MALRD1: variants seen among roughly 807,000 people sequenced by gnomAD.
The protein encoded by MALRD1 is MAM and LDL receptor class A domain containing 1.
A neutral mutation model predicts 242.1 loss-of-function variants in MALRD1; 247 were observed. The ratio of observed to expected loss-of-function variants is 1.02; its 90% CI spans 0.92 to 1.13. The LOEUF is 1.13. Among genes scored for constraint, MALRD1 ranks in the 50% most tolerant of loss-of-function variants. The pLI is 0.00. For missense variants in MALRD1, 2,989 were observed against 2,533.1 expected, an observed-to-expected ratio of 1.18 and a Z score of -3.86; for synonymous variants, 995 against 866.6, an observed-to-expected ratio of 1.15 and a Z score of -2.60.
intron 5 of MALRD1, among the ~76,000 whole-genome samples, chr10:19,105,704 T>G (rs1588551846): frequency 6.6e-6 from 1 of 152,066 alleles, no homozygotes; most frequent in East Asian, 1.9e-4. Flanking sequence ...TAACTTTGAC[T>G]TTTTGATAGT....
chr10:19,617,153 TC>T (rs566524823), intron 36 of MALRD1, among the ~76,000 whole-genome samples: 373 of 152,068 alleles, frequency 2.5e-3, no homozygotes, highest in Non-Finnish European at 3.6e-3. Context: ...GCCAGAAAAC[TC>T]CCAGAAAGAG....
intron 18 of MALRD1, among the ~76,000 whole-genome samples, chr10:19,216,754 G>A (rs1018432287): frequency 1.3e-5 from 2 of 151,402 alleles, no homozygotes; most frequent in African/African-American, 4.9e-5. Context: ...GACCATCCTG[G>A]CTAACACGGT....
intron 5 of MALRD1, among the ~76,000 whole-genome samples, chr10:19,114,163 T>C (rs1256400342): frequency 6.6e-6 from 1 of 152,192 alleles, no homozygotes; most frequent in East Asian, 1.9e-4. Flanking sequence ...AGGTTTTTGT[T>C]TTAGTATGAA....
At chr10:19,483,261 TA>T (rs1837093699) in intron 29 of MALRD1, among the ~76,000 whole-genome samples, 1 of 150,902 alleles carries the variant, frequency 6.6e-6, no homozygotes, top group South Asian at 2.1e-4. Flanking sequence ...GGAAATAATT[TA>T]TGACTAAGTC....
At chr10:19,457,105 A>G (rs1249877104) in intron 29 of MALRD1, among the ~76,000 whole-genome samples, 5 of 152,208 alleles carry the variant, frequency 3.3e-5, no homozygotes, top group African/African-American at 9.7e-5. Context: ...TATTTAATTG[A>G]ATCCTTAAGA....
At chr10:19,474,879 T>A (rs1455909924) in intron 29 of MALRD1, among the ~76,000 whole-genome samples, 2 of 151,956 alleles carry the variant, frequency 1.3e-5, no homozygotes, top group Non-Finnish European at 2.9e-5. Context: ...AAATTAAGAA[T>A]CAAGGAGGAA....
chr10:19,278,542 T>C (rs975513113), intron 19 of MALRD1, among the ~76,000 whole-genome samples: 12 of 152,144 alleles, frequency 7.9e-5, no homozygotes, highest in African/African-American at 2.9e-4. Context: ...TCAATGTTAG[T>C]ATACCTACCA....
chr10:19,325,415 T>G (rs889011873), intron 22 of MALRD1, among the ~76,000 whole-genome samples: 1 of 9,184 alleles, frequency 1.1e-4, no homozygotes, highest in South Asian at 1.5e-3. Context: ...AGTCCTGTAT[T>G]TTTTTTTTTT....
intron 21 of MALRD1, among the ~76,000 whole-genome samples, chr10:19,293,713 T>C (rs182318198): frequency 1.5e-3 from 223 of 152,124 alleles, no homozygotes; most frequent in Non-Finnish European, 2.8e-3. Context: ...ATAAGAACTC[T>C]TGGACGCAAA....
In MALRD1 at chr10:19,586,439, C is replaced by G. The variant is rs183304245; in HGVS notation, c.5681-8755C>G. Among the ~76,000 whole-genome samples, 733 of 152,280 alleles carry G rather than the reference C, an allele frequency of 4.8e-3. 8 individuals carry two copies. Among genetic ancestry groups the G allele is most frequent in the African/African-American group, 0.017 (692 of 41,558 alleles). On this transcript the variant is annotated intron_variant, in intron 33 of 39. Coordinates refer to ENST00000454679, the MANE Select transcript of MALRD1 (RefSeq NM_001142308.3). ...TCCTTTCTGTTTGTTAGTTTTCCTT[C>G]TAACGGACAGGACCCTCAGCTGCAG...
chr10:19,445,850 C>G (rs1237360887), intron 28 of MALRD1, among the ~76,000 whole-genome samples: 1 of 152,172 alleles, frequency 6.6e-6, no homozygotes, highest in Non-Finnish European at 1.5e-5. Flanking sequence ...TTTAAGTCTG[C>G]AAAAGTTTCT....
At chr10:19,639,826 T>C (rs1166873552) in intron 36 of MALRD1, among the ~76,000 whole-genome samples, 2 of 152,180 alleles carry the variant, frequency 1.3e-5, no homozygotes, top group Non-Finnish European at 2.9e-5. Flanking sequence ...CAGTCACCAT[T>C]AATTAAACCT....
intron 29 of MALRD1, among the ~76,000 whole-genome samples, chr10:19,469,525 C>T (rs960623232): frequency 1.3e-5 from 2 of 152,110 alleles, no homozygotes; most frequent in Admixed American, 6.5e-5. Context: ...GTGACTCATT[C>T]ATTTTATCAA....
intron 18 of MALRD1, among the ~76,000 whole-genome samples, chr10:19,216,690 A>G (rs1588710649): frequency 6.6e-6 from 1 of 151,428 alleles, no homozygotes; most frequent in East Asian, 2.0e-4. Flanking sequence ...TCACGCCTGT[A>G]ATCCCAGCAC....
intron 36 of MALRD1, among the ~76,000 whole-genome samples, chr10:19,647,118 G>A (rs903652717): frequency 6.6e-6 from 1 of 152,152 alleles, no homozygotes; most frequent in African/African-American, 2.4e-5. Context: ...CACTTCCCTG[G>A]AGAAATCTGA....
intron 18 of MALRD1, among the ~76,000 whole-genome samples, chr10:19,232,000 A>G (rs7072192): frequency 1.6e-4 from 24 of 152,190 alleles, no homozygotes; most frequent in African/African-American, 5.8e-4. Flanking sequence ...TAAAAGGAGA[A>G]TTCTGCTCTT....
At chr10:19,478,344 G>C (rs1248692366) in intron 29 of MALRD1, among the ~76,000 whole-genome samples, 1 of 152,106 alleles carries the variant, frequency 6.6e-6, no homozygotes, top group African/African-American at 2.4e-5. Context: ...ATATGACGTC[G>C]ATGCTTTATT....
intron 31 of MALRD1, among the ~76,000 whole-genome samples, chr10:19,516,620 C>T (rs1833638929): frequency 6.6e-6 from 1 of 151,700 alleles, no homozygotes; most frequent in Admixed American, 6.6e-5. Flanking sequence ...TCTTCTCCTC[C>T]TCCTGCTCCT....
chr10:19,072,517 G>A lies in MALRD1; in HGVS notation c.340+5658G>A, dbSNP rs146856902. On this transcript the variant is annotated intron_variant, in intron 2 of 39. Coordinates refer to ENST00000454679, the MANE Select transcript of MALRD1 (RefSeq NM_001142308.3). ...GATATGCAAAATTAGGTGGCAGGTG[G>A]ATTTGTCTGTGGGTTACAGTTTGCT... is the stretch of plus-strand genomic sequence containing the variant. Among the ~76,000 whole-genome samples, 1,359 of 152,142 alleles carry A rather than the reference G, an allele frequency of 8.9e-3. 20 individuals carry two copies. Among genetic ancestry groups the A allele is most frequent in the African/African-American group, 0.031 (1,293 of 41,528 alleles).
Sources: gnomAD v4.1 joint callset for allele counts (sites outside exome capture counted in the v4.1 genomes callset) on GRCh38, gnomAD v4.1.1 for gene constraint, MANE v1.5 for transcripts, NCBI Gene and HGNC (gene_info 2026-07-23, HGNC 2026-07-21) for gene names.